EPB41L1: variants seen among roughly 807,000 people sequenced by gnomAD.
EPB41L1 encodes the protein erythrocyte membrane protein band 4.1 like 1.
In EPB41L1, 29 loss-of-function variants were observed where a neutral mutation model predicts 97.8. The observed-to-expected ratio is 0.30, with a 90% CI of 0.22 to 0.40. The LOEUF is 0.40. Ranked by LOEUF, EPB41L1 falls within the 10% of genes least tolerant of loss-of-function variation. EPB41L1 has a pLI of 1.00. For synonymous variants in EPB41L1, 383 were observed against 459.2 expected (o/e 0.83, Z 2.12); for missense variants, 812 against 1,162.3 (o/e 0.70, Z 4.38).
intron 16 of EPB41L1, 93 bp from the exon 17 acceptor site, chr20:36,214,264 G>A: frequency 1.0e-6 from 1 of 963,078 alleles, no homozygotes; most frequent in East Asian, 2.6e-5. Context: ...CACACAGCCT[G>A]TCACTTTGTA....
intron 2 of EPB41L1, among the ~76,000 whole-genome samples, chr20:36,118,826 C>A (rs1217885730): frequency 1.3e-5 from 2 of 151,936 alleles, no homozygotes; most frequent in African/African-American, 2.4e-5. Flanking sequence ...TCTTATAAAG[C>A]ACATTTGTTT....
chr20:36,217,187 T>C (rs1003435383), intron 17 of EPB41L1, among the ~76,000 whole-genome samples: 1 of 152,022 alleles, frequency 6.6e-6, no homozygotes, highest in African/African-American at 2.4e-5. Context: ...ATCGGATGAG[T>C]CTGAGGTGCC....
upstream of EPB41L1, among the ~76,000 whole-genome samples, chr20:36,153,450 G>C (rs138940517): frequency 3.5e-3 from 538 of 152,220 alleles, 1 homozygote; most frequent in African/African-American, 9.7e-3. Flanking sequence ...TGGATTCTGT[G>C]GTAAGAACTA....
At chr20:36,114,391 C>T (rs2058518793) in intron 2 of EPB41L1, among the ~76,000 whole-genome samples, 1 of 152,070 alleles carries the variant, frequency 6.6e-6, no homozygotes, top group Non-Finnish European at 1.5e-5. Context: ...ACCACTGGGT[C>T]AGGGTATTCT....
At chr20:36,178,557 A>T in intron 4 of EPB41L1, 73 bp from the exon 5 acceptor site, 1 of 1,475,454 alleles carries the variant, frequency 6.8e-7, no homozygotes, top group Non-Finnish European at 9.5e-7. Flanking sequence ...CCATTTCAGG[A>T]TATTTCTCTC....
chr20:36,109,161 ATGG>A (rs2058304428), intron 1 of EPB41L1, among the ~76,000 whole-genome samples: 2 of 151,666 alleles, frequency 1.3e-5, no homozygotes, highest in Admixed American at 6.6e-5. Flanking sequence ...GTTAGCCAGG[ATGG>A]TCTCAATCTC....
chr20:36,190,820 G>T lies in EPB41L1; in HGVS notation c.1300+23G>T. Reference sequence around the variant, plus strand: ...GAGGTATGGCCCAAATTGGAGGGCTGGGCGGGGAATGGTCTTCAGAGGGAA... The same window carrying T: ...GAGGTATGGCCCAAATTGGAGGGCTTGGCGGGGAATGGTCTTCAGAGGGAA... On this transcript the variant is annotated intron_variant, in intron 11 of 21. Coordinates refer to ENST00000338074, the MANE Select transcript of EPB41L1 (RefSeq NM_012156.2). The surrounding 1 kb of genome is among the most constrained non-coding windows in gnomAD (Gnocchi z 5.8). 2 of 1,611,828 alleles carry T rather than the reference G, an allele frequency of 1.2e-6. No homozygotes were observed. Among genetic ancestry groups the T allele is most frequent in the Non-Finnish European group, 1.7e-6 (2 of 1,179,952 alleles).
intron 17 of EPB41L1, among the ~76,000 whole-genome samples, chr20:36,216,482 A>G (rs572858647): frequency 6.6e-6 from 1 of 152,366 alleles, no homozygotes; most frequent in South Asian, 2.1e-4. Context: ...TGTCCTGCAG[A>G]CAATGGGGAA....
intron 14 of EPB41L1, among the ~76,000 whole-genome samples, chr20:36,208,888 C>G (rs1223229066): frequency 6.6e-6 from 1 of 152,186 alleles, no homozygotes; most frequent in East Asian, 1.9e-4. Context: ...GCGTAGCACT[C>G]AGCTCCCAAG....
chr20:36,145,395 CAA>C (rs1188803832), intron 2 of EPB41L1, among the ~76,000 whole-genome samples: 49 of 65,598 alleles, frequency 7.5e-4, no homozygotes, highest in Non-Finnish European at 7.1e-4. Context: ...GACTCCATCT[CAA>C]AAAAAAAAAA....
intron 6 of EPB41L1, among the ~76,000 whole-genome samples, 185 bp downstream of exon 6, chr20:36,182,532 G>T (rs1375930697): frequency 2.0e-5 from 3 of 152,212 alleles, no homozygotes; most frequent in Non-Finnish European, 2.9e-5. Context: ...TGCAAGCACA[G>T]TGGTCAGTGG....
At chr20:36,099,536 C>T (rs2147484953) in intron 1 of EPB41L1, among the ~76,000 whole-genome samples, 1 of 152,256 alleles carries the variant, frequency 6.6e-6, no homozygotes, top group South Asian at 2.1e-4. Flanking sequence ...ATTGTCATAT[C>T]CGCTGCATTC....
intron 1 of EPB41L1, among the ~76,000 whole-genome samples, chr20:36,158,849 C>T (rs577585888): frequency 6.6e-6 from 1 of 152,336 alleles, no homozygotes; most frequent in South Asian, 2.1e-4. Flanking sequence ...TTCTGTCTCT[C>T]TTAAATGTCA....
chr20:36,171,394 C>T (rs1243154541), intron 1 of EPB41L1, among the ~76,000 whole-genome samples: 7 of 152,026 alleles, frequency 4.6e-5, no homozygotes, highest in African/African-American at 7.2e-5. Context: ...TATGGCTTTA[C>T]GTTATACCCA....
intron 21 of EPB41L1, among the ~76,000 whole-genome samples, chr20:36,228,279 A>C (rs2064298928): frequency 6.6e-6 from 1 of 152,236 alleles, no homozygotes; most frequent in Non-Finnish European, 1.5e-5. Flanking sequence ...TAACAACAGC[A>C]ACAATCATCA....
At chr20:36,179,346 A>G (rs753946202) in intron 5 of EPB41L1, among the ~76,000 whole-genome samples, 12 of 152,322 alleles carry the variant, frequency 7.9e-5, no homozygotes, top group South Asian at 2.1e-4. Flanking sequence ...GGAATGGTGT[A>G]GTCTTCAGTA....
chr20:36,199,957 A>AT (rs1305286290), intron 14 of EPB41L1, among the ~76,000 whole-genome samples: 1 of 152,182 alleles, frequency 6.6e-6, no homozygotes, highest in Non-Finnish European at 1.5e-5. Context: ...GATGGGTCTT[A>AT]GTAAAAGGTG....
In EPB41L1 at chr20:36,209,465, CT is replaced by C. The variant is rs766349595; in HGVS notation, c.1669-19del. ...TCTCTCCCCACCCCACATCCCCATT[CT>C]TTTGATTTTATCTGGCCATAGAGAG... On this transcript the variant is annotated intron_variant, in intron 14 of 21. Coordinates refer to ENST00000338074, the MANE Select transcript of EPB41L1 (RefSeq NM_012156.2). The surrounding 1 kb of genome is among the most constrained non-coding windows in gnomAD (Gnocchi z 4.2). The C allele has an allele frequency of 6.2e-7, 1 of 1,611,540 alleles. No homozygotes were observed. Among genetic ancestry groups the C allele is most frequent in the Non-Finnish European group, 8.5e-7 (1 of 1,178,224 alleles).
chr20:36,105,331 G>C (rs1180727699), intron 1 of EPB41L1, among the ~76,000 whole-genome samples: 2 of 152,158 alleles, frequency 1.3e-5, no homozygotes, highest in Non-Finnish European at 2.9e-5. Flanking sequence ...GAGGACTTCA[G>C]AGCCATGTCT....
Sources: allele counts gnomAD v4.1 joint callset (sites outside exome capture counted in the v4.1 genomes callset), GRCh38; gene constraint gnomAD v4.1.1; non-coding constraint Gnocchi (gnomAD v3.1); transcripts MANE v1.5; gene names NCBI Gene and HGNC (gene_info 2026-07-23, HGNC 2026-07-21).